Variants in ALPK1 observed in about 807,000 individuals in gnomAD.
The protein encoded by ALPK1 is alpha kinase 1.
ALPK1 carries 110 observed loss-of-function variants against 120.6 expected under a neutral mutation model. That is an observed-to-expected ratio of 0.91 (90% confidence interval 0.78 to 1.07). ALPK1 has a LOEUF of 1.07. Among genes scored for constraint, ALPK1 ranks in the 50% least tolerant of loss-of-function variants. ALPK1 has a pLI of 0.00. For synonymous variants in ALPK1, 582 were observed against 560.3 expected (o/e 1.04, Z -0.55); for missense variants, 1,498 against 1,483.9 (o/e 1.01, Z -0.16).
intron 2 of ALPK1, among the ~76,000 whole-genome samples, chr4:112,368,490 CT>C (rs1731253477): frequency 1.3e-5 from 2 of 151,850 alleles, no homozygotes; most frequent in Admixed American, 1.3e-4. Context: ...TTCTTTTTGC[CT>C]TATGTATTTT....
At chr4:112,355,111 A>G (rs1472205250) in intron 2 of ALPK1, among the ~76,000 whole-genome samples, 1 of 152,204 alleles carries the variant, frequency 6.6e-6, no homozygotes, top group African/African-American at 2.4e-5. Context: ...AGTCTTGTGC[A>G]CATGTTAGAA....
intron 7 of ALPK1, 86 bp downstream of exon 7, chr4:112,425,837 C>A: frequency 1.7e-6 from 2 of 1,176,058 alleles, no homozygotes; most frequent in Non-Finnish European, 2.5e-6. Context: ...CTTCTTTTAT[C>A]AGGCTAAAAT....
At chr4:112,384,139 C>T (rs757218143) in intron 4 of ALPK1, 8 of 152,088 alleles carry the variant, frequency 5.3e-5, no homozygotes, top group Non-Finnish European at 8.8e-5. Flanking sequence ...AATTAAGGTG[C>T]GAAGAGATTA....
chr4:112,372,011 A>T (rs1431295881), intron 2 of ALPK1, among the ~76,000 whole-genome samples: 4 of 152,206 alleles, frequency 2.6e-5, no homozygotes, highest in Non-Finnish European at 5.9e-5. Flanking sequence ...AGTGAATCTC[A>T]GAAGTCTTAC....
chr4:112,440,980 A>T lies in ALPK1; in HGVS notation c.3602A>T (p.Asp1201Val). The T allele has an allele frequency of 6.2e-7, 1 of 1,613,966 alleles. No individual in the cohort carries two copies. Among genetic ancestry groups the T allele is most frequent in the Non-Finnish European group, 8.5e-7 (1 of 1,179,908 alleles). ...YLTDPQIHSV[D>V]QKVFTTNFGK... Reference sequence around the variant, plus strand: ...ACAGATCCCCAGATTCACTCCGTTGATCAGAAAGTTTTCACTACCAATTTT... The same window carrying T: ...ACAGATCCCCAGATTCACTCCGTTGTTCAGAAAGTTTTCACTACCAATTTT... Residue 1201 changes from aspartate to valine, a missense_variant, in exon 15 of 16, where the codon GAT becomes GTT. Asp to Val is a radical substitution (Grantham distance 152, BLOSUM62 -3). Coordinates refer to ENST00000650871, the MANE Select transcript of ALPK1 (RefSeq NM_025144.4).
chr4:112,404,397 C>A (rs558666710), intron 4 of ALPK1, among the ~76,000 whole-genome samples: 1 of 152,166 alleles, frequency 6.6e-6, no homozygotes. Flanking sequence ...TTGACCCACA[C>A]TTCCTCTAAT....
intron 2 of ALPK1, among the ~76,000 whole-genome samples, chr4:112,373,945 G>T (rs1483275389): frequency 2.6e-5 from 4 of 152,172 alleles, no homozygotes; most frequent in African/African-American, 4.8e-5. Context: ...CTGGTAGAGG[G>T]TCTTGCTTCA....
chr4:112,430,792 G>A lies in ALPK1; in HGVS notation c.1245G>A (p.Val415=), dbSNP rs768578931. 15 of 1,614,110 alleles carry A rather than the reference G, an allele frequency of 9.3e-6. No individual in the cohort carries two copies. The highest frequency in any genetic ancestry group is 2.2e-5 in the South Asian group (2 of 91,092). The change falls in exon 11 of 16, where the codon GTG becomes GTA. Residue 415 remains valine (V), a synonymous_variant. Coordinates refer to ENST00000650871, the MANE Select transcript of ALPK1 (RefSeq NM_025144.4). The stretch of plus-strand genomic sequence containing the variant: ...AAGTTATGTCTGTGATTGCCCAGGT[G>A]AAGGAACATTTACAAGTTCAAAGCT... ...SQEVMSVIAQ[V]KEHLQVQSFS...
At chr4:112,309,302 G>A (rs1004482567) in intron 1 of ALPK1, among the ~76,000 whole-genome samples, 1 of 152,158 alleles carries the variant, frequency 6.6e-6, no homozygotes, top group Admixed American at 6.5e-5. Context: ...TAAGTCTGCC[G>A]AGGTTTCTGC....
chr4:112,403,401 G>A (rs751405707), intron 4 of ALPK1, among the ~76,000 whole-genome samples: 51 of 152,178 alleles, frequency 3.4e-4, no homozygotes, highest in African/African-American at 6.8e-4. Context: ...ACAGCATGCT[G>A]CCGTTTCAAA....
chr4:112,354,998 C>T (rs1323403650), intron 2 of ALPK1, among the ~76,000 whole-genome samples: 1 of 152,092 alleles, frequency 6.6e-6, no homozygotes, highest in Non-Finnish European at 1.5e-5. Flanking sequence ...ACTGGAGTTG[C>T]ATTAAAGTTA....
At chr4:112,357,766 C>A in intron 2 of ALPK1, 1 of 1,136,614 alleles carries the variant, frequency 8.8e-7, no homozygotes, top group Non-Finnish European at 1.3e-6. Flanking sequence ...CAACATCGCC[C>A]GCATGGTGCC....
At chr4:112,357,409 T>C (rs1578495754) in intron 2 of ALPK1, 1 of 692,334 alleles carries the variant, frequency 1.4e-6, no homozygotes. Context: ...CTGATGCCAG[T>C]CACCAGAGGG....
At chr4:112,310,291 C>A (rs887875602) in intron 1 of ALPK1, among the ~76,000 whole-genome samples, 3 of 152,106 alleles carry the variant, frequency 2.0e-5, no homozygotes, top group African/African-American at 7.3e-5. Flanking sequence ...TATATAATAA[C>A]ACCTACTCAA....
chr4:112,313,200 T>A lies in ALPK1; in HGVS notation c.-152-2601T>A, dbSNP rs114258233. The stretch of plus-strand genomic sequence containing the variant: ...ATTTACAACCATGAACTGAATGAAG[T>A]CACCGAGGAATAGGTTTAGATGGAG... On this transcript the variant is annotated intron_variant, in intron 1 of 15. Coordinates refer to ENST00000650871, the MANE Select transcript of ALPK1 (RefSeq NM_025144.4). Among the ~76,000 whole-genome samples the A allele has an allele frequency of 3.5e-3, 539 of 152,296 alleles. 3 individuals are homozygous for A. The highest frequency in any genetic ancestry group is 6.0e-3 in the Non-Finnish European group (408 of 68,028).
At chr4:112,422,481 C>A (rs149025760) in intron 5 of ALPK1, among the ~76,000 whole-genome samples, 21 of 152,112 alleles carry the variant, frequency 1.4e-4, no homozygotes, top group Non-Finnish European at 2.6e-4. Flanking sequence ...TTTACAACAC[C>A]GTATAATGTC....
chr4:112,403,984 C>T (rs972462817), intron 4 of ALPK1, among the ~76,000 whole-genome samples: 5 of 152,226 alleles, frequency 3.3e-5, no homozygotes, highest in East Asian at 1.9e-4. Context: ...CCTCCATTGG[C>T]GACAGCCAAA....
intron 1 of ALPK1, among the ~76,000 whole-genome samples, chr4:112,305,699 G>A (rs75802513): frequency 0.018 from 2,764 of 152,074 alleles, 102 homozygotes; most frequent in African/African-American, 0.062. Flanking sequence ...TGCAAACAGG[G>A]ACAATTTGAC....
chr4:112,348,373 A>G (rs367658854), intron 2 of ALPK1, among the ~76,000 whole-genome samples: 1 of 152,274 alleles, frequency 6.6e-6, no homozygotes, highest in Non-Finnish European at 1.5e-5. Flanking sequence ...TGTGCTTTGC[A>G]CAAGCCATGA....
Sources: gnomAD v4.1 joint callset for allele counts (sites outside exome capture counted in the v4.1 genomes callset) on GRCh38, gnomAD v4.1.1 for gene constraint, MANE v1.5 for transcripts, NCBI Gene and HGNC (gene_info 2026-07-23, HGNC 2026-07-21) for gene names.